IQGAP2: variants seen among roughly 807,000 people sequenced by gnomAD.
IQGAP2 encodes ras GTPase-activating-like protein IQGAP2.
In IQGAP2, 173 loss-of-function variants were observed where a neutral mutation model predicts 201.3. That is an observed-to-expected ratio of 0.86 (90% confidence interval 0.76 to 0.98). The LOEUF (loss-of-function observed/expected upper bound fraction) is 0.98, where lower values mean the gene tolerates loss of function less well. IQGAP2 is among the 50% of genes least tolerant of loss of function. The pLI is 0.00. For synonymous variants in IQGAP2, 675 were observed against 673.9 expected, an observed-to-expected ratio of 1.00 and a Z score of -0.03; for missense variants, 1,687 against 1,864.8, an observed-to-expected ratio of 0.90 and a Z score of 1.76.
chr5:76,507,931 C>T (rs1757701350), intron 2 of IQGAP2, among the ~76,000 whole-genome samples: 1 of 149,328 alleles, frequency 6.7e-6, no homozygotes, highest in Non-Finnish European at 1.5e-5. Context: ...ATTGCTCGAA[C>T]CTGGGAGGTT....
At chr5:76,421,091 G>A (rs1751709113) in intron 1 of IQGAP2, among the ~76,000 whole-genome samples, 1 of 152,148 alleles carries the variant, frequency 6.6e-6, no homozygotes, top group Admixed American at 6.5e-5. Context: ...ACCCAGAAGT[G>A]GGATTGCCAG....
chr5:76,595,295 C>A (rs1746947687), intron 9 of IQGAP2, among the ~76,000 whole-genome samples: 2 of 119,976 alleles, frequency 1.7e-5, no homozygotes, highest in African/African-American at 6.7e-5. Flanking sequence ...TATTCTATTG[C>A]CCAGTCTGGT....
At chr5:76,539,944 A>C (rs1742645769) in intron 2 of IQGAP2, among the ~76,000 whole-genome samples, 1 of 152,198 alleles carries the variant, frequency 6.6e-6, no homozygotes, top group Non-Finnish European at 1.5e-5. Context: ...TGAGGGCAGG[A>C]CCACACTAAT....
intron 35 of IQGAP2, among the ~76,000 whole-genome samples, chr5:76,703,786 C>T (rs1747638888): frequency 6.6e-6 from 1 of 152,060 alleles, no homozygotes; most frequent in African/African-American, 2.4e-5. Flanking sequence ...ATGGAAATAA[C>T]ATCTTACCTG....
intron 28 of IQGAP2, among the ~76,000 whole-genome samples, chr5:76,682,878 G>T (rs1303974380): frequency 6.6e-6 from 1 of 152,118 alleles, no homozygotes; most frequent in Non-Finnish European, 1.5e-5. Context: ...CCCTTTGGCA[G>T]ACCTTGCTGA....
At position 76,509,055 on chromosome 5, in the gene IQGAP2, GTGTA is replaced by G. The variant is rs1001062756; in HGVS notation, c.146+47398_146+47401del. On this transcript the variant is annotated intron_variant, in intron 2 of 35. Coordinates refer to ENST00000274364, the MANE Select transcript of IQGAP2 (RefSeq NM_006633.5). ...TGTGTGTGTGTGTGTGTGTGTGTGT[GTGTA>G]TGTATGTATGTGTGTGCATGCTTGC... Among the ~76,000 whole-genome samples the G allele has an allele frequency of 9.9e-5, 13 of 131,260 alleles. 1 individual carries two copies. Among genetic ancestry groups the G allele is most frequent in the East Asian group, 4.0e-4 (2 of 5,000 alleles). The allele number at this position is 131,260 out of a possible 152,430, so 86.1% of individuals were successfully genotyped here.
chr5:76,698,185 T>C (rs745875380), intron 33 of IQGAP2, 38 bp downstream of exon 33: 2 of 1,459,378 alleles, frequency 1.4e-6, no homozygotes, highest in African/African-American at 1.4e-5. Flanking sequence ...TGTAATGTCA[T>C]GATTTCTATG....
intron 2 of IQGAP2, among the ~76,000 whole-genome samples, chr5:76,535,830 T>C (rs543316905): frequency 2.6e-5 from 4 of 152,288 alleles, no homozygotes; most frequent in African/African-American, 7.2e-5. Flanking sequence ...TTAACCTTAA[T>C]ACAATGTAAA....
At chr5:76,625,678 A>G (rs947733196) in intron 13 of IQGAP2, among the ~76,000 whole-genome samples, 8 of 152,210 alleles carry the variant, frequency 5.3e-5, no homozygotes, top group Admixed American at 6.5e-5. Flanking sequence ...CCCTTTCCAC[A>G]TGCATTATCT....
chr5:76,589,730 T>G lies in IQGAP2; in HGVS notation c.640+2T>G. 6.4e-7 allele frequency: 1 copy of G among 1,563,702 alleles called. No individual in the cohort carries two copies. Among genetic ancestry groups the G allele is most frequent in the Non-Finnish European group, 8.7e-7 (1 of 1,150,762 alleles). On this transcript the variant is annotated splice_donor_variant, in intron 7 of 35. Transcript: ENST00000274364. LOFTEE classifies it high-confidence loss of function. ...AACTGTCCGTGGATGAAGCTGCATG[T>G]AAGTCCATTCAAAATCCAAACTTGC... is the stretch of plus-strand genomic sequence containing the variant.
intron 5 of IQGAP2, among the ~76,000 whole-genome samples, chr5:76,581,158 C>T (rs1745823611): frequency 6.6e-6 from 1 of 152,216 alleles, no homozygotes. Flanking sequence ...GTCTAGCCAG[C>T]TCCCACACAG....
intron 2 of IQGAP2, among the ~76,000 whole-genome samples, chr5:76,558,385 C>T (rs1744097163): frequency 6.6e-6 from 1 of 151,826 alleles, no homozygotes; most frequent in African/African-American, 2.4e-5. Context: ...TTGCATTTTT[C>T]CAAGATAATT....
At chr5:76,517,874 A>C (rs1758434622) in intron 2 of IQGAP2, among the ~76,000 whole-genome samples, 1 of 152,214 alleles carries the variant, frequency 6.6e-6, no homozygotes, top group Non-Finnish European at 1.5e-5. Flanking sequence ...TGCTTTTATA[A>C]GGGGACTGTA....
At chr5:76,539,257 A>C (rs756207997) in intron 2 of IQGAP2, among the ~76,000 whole-genome samples, 10 of 152,106 alleles carry the variant, frequency 6.6e-5, no homozygotes, top group South Asian at 2.1e-4. Flanking sequence ...CTGGAGCGGG[A>C]ATATTCCAGT....
intron 21 of IQGAP2, among the ~76,000 whole-genome samples, chr5:76,662,146 A>G (rs1743308387): frequency 6.6e-6 from 1 of 152,208 alleles, no homozygotes; most frequent in Admixed American, 6.5e-5. Flanking sequence ...CACATTCTGG[A>G]GCAAGTCAGA....
chr5:76,441,199 T>C (rs1561373920), intron 1 of IQGAP2, among the ~76,000 whole-genome samples: 1 of 152,178 alleles, frequency 6.6e-6, no homozygotes, highest in South Asian at 2.1e-4. Context: ...AGTTAATTAG[T>C]TAATTTGTGT....
At chr5:76,509,601 A>C (rs1757833723) in intron 2 of IQGAP2, among the ~76,000 whole-genome samples, 1 of 151,894 alleles carries the variant, frequency 6.6e-6, no homozygotes, top group African/African-American at 2.4e-5. Context: ...TCACCATGTT[A>C]GCCAGGATGG....
intron 2 of IQGAP2, among the ~76,000 whole-genome samples, chr5:76,477,435 A>T (rs996154261): frequency 6.6e-6 from 1 of 152,248 alleles, no homozygotes; most frequent in African/African-American, 2.4e-5. Context: ...TCTGCATAAC[A>T]ATATCCCATA....
intron 17 of IQGAP2, among the ~76,000 whole-genome samples, chr5:76,648,553 G>A (rs143728801): frequency 2.8e-3 from 424 of 152,258 alleles, no homozygotes; most frequent in African/African-American, 9.7e-3. Context: ...ATTCCTAGGT[G>A]CCCACACAGA....
Sources: gnomAD v4.1 joint callset for allele counts (sites outside exome capture counted in the v4.1 genomes callset) on GRCh38, gnomAD v4.1.1 for gene constraint, MANE v1.5 for transcripts, NCBI Gene and HGNC (gene_info 2026-07-23, HGNC 2026-07-21) for gene names.